CLEC16A: variants seen among roughly 807,000 people sequenced by gnomAD.
CLEC16A encodes the protein protein CLEC16A.
CLEC16A carries 51 observed loss-of-function variants against 109.5 expected under a neutral mutation model. The ratio of observed to expected loss-of-function variants is 0.47; its 90% CI spans 0.37 to 0.59. CLEC16A has a LOEUF of 0.59. Ranked by LOEUF, CLEC16A falls within the 20% of genes least tolerant of loss-of-function variation. The pLI is 0.00. For missense variants in CLEC16A, 1,339 were observed against 1,394.0 expected (o/e 0.96, Z 0.63); for synonymous variants, 673 against 564.2 (o/e 1.19, Z -2.73).
At chr16:10,983,750 G>T (rs2043462192) in intron 10 of CLEC16A, among the ~76,000 whole-genome samples, 1 of 152,066 alleles carries the variant, frequency 6.6e-6, no homozygotes, top group African/African-American at 2.4e-5. Flanking sequence ...ATCCTGGTCT[G>T]ACTTGCTTTT....
intron 22 of CLEC16A, among the ~76,000 whole-genome samples, chr16:11,133,262 C>T (rs2053341065): frequency 6.6e-6 from 1 of 151,898 alleles, no homozygotes; most frequent in Non-Finnish European, 1.5e-5. Flanking sequence ...TCACTTGAAC[C>T]CGGGAGGTGG....
chr16:11,137,646 T>C (rs9889044), intron 22 of CLEC16A, among the ~76,000 whole-genome samples: 6,317 of 130,442 alleles, frequency 0.048, 448 homozygotes, highest in African/African-American at 0.17. Context: ...CCATCTCTAC[T>C]AAAAATACAA....
intron 13 of CLEC16A, among the ~76,000 whole-genome samples, chr16:11,028,038 T>C (rs990584649): frequency 6.6e-6 from 1 of 152,098 alleles, no homozygotes; most frequent in African/African-American, 2.4e-5. Context: ...CCATCTCTAC[T>C]AAAAATAAAA....
intron 22 of CLEC16A, among the ~76,000 whole-genome samples, chr16:11,162,389 C>A (rs897101837): frequency 2.6e-5 from 4 of 152,222 alleles, no homozygotes; most frequent in Non-Finnish European, 5.9e-5. Context: ...TGAGTCTATC[C>A]AGTTCCCAGG....
In CLEC16A at chr16:11,161,954, G is replaced by T. The variant is rs78072228; in HGVS notation, c.2642-4434G>T. Reference sequence around the variant, plus strand: ...GGTTAAGTGATTATTGGTGGGGAAAGCTTAAAGACCTGTAGAAGAGGAGGA... The same window carrying T: ...GGTTAAGTGATTATTGGTGGGGAAATCTTAAAGACCTGTAGAAGAGGAGGA... On this transcript the variant is annotated intron_variant, in intron 22 of 23. Coordinates refer to ENST00000409790, the MANE Select transcript of CLEC16A (RefSeq NM_015226.3). 5.0e-3 allele frequency among the ~76,000 whole-genome samples: 764 copies of T among 152,352 alleles called. 1 individual carries two copies. Among genetic ancestry groups the T allele is most frequent in the Non-Finnish European group, 8.3e-3 (567 of 68,034 alleles).
At chr16:11,135,425 C>A (rs142160146) in intron 22 of CLEC16A, among the ~76,000 whole-genome samples, 1 of 152,314 alleles carries the variant, frequency 6.6e-6, no homozygotes, top group Non-Finnish European at 1.5e-5. Flanking sequence ...CACAGTAGCA[C>A]TTGTCATGGG....
intron 19 of CLEC16A, among the ~76,000 whole-genome samples, chr16:11,069,436 A>G (rs1277014549): frequency 6.6e-6 from 1 of 151,602 alleles, no homozygotes; most frequent in Non-Finnish European, 1.5e-5. Context: ...GCCTATTATT[A>G]TTACTATTTT....
intron 22 of CLEC16A, among the ~76,000 whole-genome samples, chr16:11,163,554 C>T (rs1302476441): frequency 3.3e-5 from 5 of 152,216 alleles, no homozygotes; most frequent in East Asian, 1.9e-4. Context: ...TTGATCCCAA[C>T]CCATTCCCAA....
chr16:11,108,415 G>T (rs1370449922), intron 19 of CLEC16A, among the ~76,000 whole-genome samples: 1 of 152,234 alleles, frequency 6.6e-6, no homozygotes, highest in African/African-American at 2.4e-5. Context: ...TGGCCACCAG[G>T]GAGTTAAACC....
At chr16:11,011,047 C>T (rs1276486707) in intron 11 of CLEC16A, among the ~76,000 whole-genome samples, 3 of 152,156 alleles carry the variant, frequency 2.0e-5, no homozygotes, top group South Asian at 2.1e-4. Context: ...GGGTGATGTT[C>T]GTTTTGGTCA....
At chr16:11,087,471 C>G (rs959053329) in intron 19 of CLEC16A, among the ~76,000 whole-genome samples, 5 of 151,800 alleles carry the variant, frequency 3.3e-5, no homozygotes, top group Non-Finnish European at 7.4e-5. Flanking sequence ...CAAACCTAAA[C>G]TACTACTTGT....
intron 19 of CLEC16A, among the ~76,000 whole-genome samples, chr16:11,115,636 G>C (rs950868144): frequency 3.9e-5 from 6 of 152,186 alleles, no homozygotes; most frequent in Non-Finnish European, 8.8e-5. Flanking sequence ...GTCTTCAAAA[G>C]TGTTGGGATT....
intron 11 of CLEC16A, among the ~76,000 whole-genome samples, chr16:11,019,662 A>C (rs1041146713): frequency 6.6e-6 from 1 of 151,976 alleles, no homozygotes; most frequent in Non-Finnish European, 1.5e-5. Flanking sequence ...CCAGCTACTC[A>C]GGAGGCTGAG....
chr16:11,027,708 G>A, intron 13 of CLEC16A: 1 of 1,580,262 alleles, frequency 6.3e-7, no homozygotes, highest in Middle Eastern at 2.3e-4. Context: ...CAAGGAGATG[G>A]GCACACTTGG....
intron 19 of CLEC16A, chr16:11,070,928 C>G (rs561628474): frequency 8.5e-5 from 13 of 152,338 alleles, no homozygotes; most frequent in Middle Eastern, 3.4e-3. Flanking sequence ...GAAATCCTGA[C>G]CACATCGCCC....
intron 13 of CLEC16A, chr16:11,027,102 A>C: frequency 6.5e-7 from 1 of 1,532,392 alleles, no homozygotes; most frequent in Non-Finnish European, 8.9e-7. Context: ...TCAGGCACTC[A>C]AAGCCACCCA....
intron 19 of CLEC16A, among the ~76,000 whole-genome samples, chr16:11,097,630 A>G (rs979564692): frequency 6.6e-6 from 1 of 152,176 alleles, no homozygotes; most frequent in African/African-American, 2.4e-5. Flanking sequence ...GGGTTGCATT[A>G]CAGCCTCCGT....
At chr16:11,127,792 C>T (rs2052932558) in intron 22 of CLEC16A, among the ~76,000 whole-genome samples, 1 of 152,060 alleles carries the variant, frequency 6.6e-6, no homozygotes, top group African/African-American at 2.4e-5. Context: ...GTCACTTGAG[C>T]CCAGGAGGTT....
At chr16:11,040,130 G>A (rs999822829) in intron 14 of CLEC16A, 49 of 446,070 alleles carry the variant, frequency 1.1e-4, no homozygotes, top group African/African-American at 8.2e-4. Flanking sequence ...TCCACACCCC[G>A]CCCTTCTTTT....
Sources: gnomAD v4.1 joint callset for allele counts (sites outside exome capture counted in the v4.1 genomes callset) on GRCh38, gnomAD v4.1.1 for gene constraint, MANE v1.5 for transcripts, NCBI Gene and HGNC (gene_info 2026-07-23, HGNC 2026-07-21) for gene names.